The following GRM5 variants were observed in gnomAD, a reference collection of about 807,000 sequenced individuals.
GRM5 encodes metabotropic glutamate receptor 5.
GRM5 carries 19 observed loss-of-function variants against 83.1 expected under a neutral mutation model. The observed-to-expected ratio is 0.23, with a 90% CI of 0.16 to 0.34. The LOEUF (loss-of-function observed/expected upper bound fraction) is 0.34, where lower values mean the gene tolerates loss of function less well. GRM5 is among the 10% of genes least tolerant of loss of function. GRM5 has a pLI of 1.00. For missense variants in GRM5, 1,160 were observed against 1,588.3 expected (o/e 0.73, Z 4.58); for synonymous variants, 675 against 633.6 (o/e 1.07, Z -0.98).
At position 88,690,509 on chromosome 11, in the gene GRM5, T is replaced by G. The variant is rs543912807; in HGVS notation, c.912-37106A>C. Among the ~76,000 whole-genome samples, 15 of 152,316 alleles carry G rather than the reference T, an allele frequency of 9.8e-5. No homozygotes were observed. In the South Asian group the frequency reaches 2.1e-3, roughly 21 times the overall value. The stretch of plus-strand genomic sequence containing the variant: ...TTTTAAAAAAAAATGAGTTCTGAAA[T>G]GAATTAATTACAATTTATTTTTAAA... On this transcript the variant is annotated intron_variant, in intron 3 of 9. Transcript: ENST00000305447.
At chr11:88,569,830 A>G (rs545892889) in intron 7 of GRM5, among the ~76,000 whole-genome samples, 3 of 152,310 alleles carry the variant, frequency 2.0e-5, no homozygotes, top group African/African-American at 7.2e-5. Flanking sequence ...ACAAATCCTC[A>G]TTGATAAGGA....
chr11:88,831,935 T>C (rs1397886931), intron 3 of GRM5, among the ~76,000 whole-genome samples: 1 of 152,148 alleles, frequency 6.6e-6, no homozygotes, highest in Non-Finnish European at 1.5e-5. Context: ...TTGGTGCCAG[T>C]GAATGCTGTG....
intron 3 of GRM5, among the ~76,000 whole-genome samples, chr11:88,683,186 G>A (rs1940537082): frequency 6.6e-6 from 1 of 152,116 alleles, no homozygotes; most frequent in African/African-American, 2.4e-5. Context: ...GGTCTCAGGG[G>A]ATCATTGTCC....
intron 4 of GRM5, among the ~76,000 whole-genome samples, chr11:88,648,213 T>C (rs978516809): frequency 5.3e-5 from 8 of 150,572 alleles, no homozygotes; most frequent in African/African-American, 1.9e-4. Context: ...CGTATGTTTA[T>C]TGCGGCATTA....
chr11:88,988,425 G>C (rs1939819970), intron 2 of GRM5, among the ~76,000 whole-genome samples: 1 of 151,932 alleles, frequency 6.6e-6, no homozygotes, highest in Non-Finnish European at 1.5e-5. Flanking sequence ...AACCAAGTTG[G>C]AAAACACTCT....
At chr11:88,608,433 T>C (rs1938220126) in intron 4 of GRM5, among the ~76,000 whole-genome samples, 1 of 152,086 alleles carries the variant, frequency 6.6e-6, no homozygotes, top group Non-Finnish European at 1.5e-5. Context: ...ACCTAACATA[T>C]TTTATAAATT....
At chr11:89,042,284 A>G (rs1394224931) in intron 2 of GRM5, among the ~76,000 whole-genome samples, 1 of 152,200 alleles carries the variant, frequency 6.6e-6, no homozygotes, top group African/African-American at 2.4e-5. Flanking sequence ...AGTGAATAAA[A>G]CAATGCAATG....
chr11:88,518,809 G>T (rs1170451625), intron 9 of GRM5, among the ~76,000 whole-genome samples: 3 of 151,212 alleles, frequency 2.0e-5, no homozygotes, highest in East Asian at 3.9e-4. Flanking sequence ...ATTTCCTTTA[G>T]GGTGGAGATT....
intron 3 of GRM5, among the ~76,000 whole-genome samples, chr11:88,829,550 A>G (rs1231416008): frequency 1.3e-5 from 2 of 152,208 alleles, no homozygotes; most frequent in Non-Finnish European, 2.9e-5. Flanking sequence ...CTAAAATGAT[A>G]TAATAGTATA....
intron 3 of GRM5, among the ~76,000 whole-genome samples, chr11:88,827,280 A>T (rs989288886): frequency 6.6e-6 from 1 of 152,138 alleles, no homozygotes; most frequent in African/African-American, 2.4e-5. Flanking sequence ...ACTACTCCAC[A>T]TCAGCAATGT....
chr11:88,703,131 T>C (rs998313957), intron 3 of GRM5, among the ~76,000 whole-genome samples: 6 of 152,042 alleles, frequency 3.9e-5, no homozygotes, highest in Admixed American at 3.9e-4. Context: ...GTATATAAAC[T>C]CTAAAGCATT....
At chr11:89,010,969 G>C (rs1940679514) in intron 2 of GRM5, among the ~76,000 whole-genome samples, 1 of 152,202 alleles carries the variant, frequency 6.6e-6, no homozygotes, top group South Asian at 2.1e-4. Flanking sequence ...CTTTCCAAAA[G>C]AGTAATAAGA....
intron 2 of GRM5, among the ~76,000 whole-genome samples, chr11:88,920,129 T>C (rs989873398): frequency 8.6e-5 from 13 of 151,664 alleles, no homozygotes; most frequent in African/African-American, 1.2e-4. Context: ...TCTGAAAGGA[T>C]AAAAAAATCA....
At chr11:88,996,655 T>G (rs1565327457) in intron 2 of GRM5, among the ~76,000 whole-genome samples, 1 of 152,196 alleles carries the variant, frequency 6.6e-6, no homozygotes. Context: ...CAAACATATC[T>G]AGTAAAACAT....
chr11:89,064,543 T>G (rs1942057994), intron 1 of GRM5, among the ~76,000 whole-genome samples: 1 of 152,126 alleles, frequency 6.6e-6, no homozygotes, highest in Non-Finnish European at 1.5e-5. Flanking sequence ...TTATCCATAT[T>G]TTATGAGTGT....
At chr11:88,714,028 T>G (rs10831305) in intron 3 of GRM5, among the ~76,000 whole-genome samples, 1 of 151,868 alleles carries the variant, frequency 6.6e-6, no homozygotes, top group African/African-American at 2.4e-5. Flanking sequence ...AGAATCTTTT[T>G]GAGTTCAAAT....
intron 2 of GRM5, among the ~76,000 whole-genome samples, chr11:88,905,594 G>C (rs1262121196): frequency 6.6e-6 from 1 of 151,998 alleles, no homozygotes; most frequent in Non-Finnish European, 1.5e-5. Context: ...TGTCTGCCTC[G>C]GCCTCCCAAA....
chr11:88,861,708 C>G (rs1317943744), intron 2 of GRM5, among the ~76,000 whole-genome samples: 2 of 152,014 alleles, frequency 1.3e-5, no homozygotes, highest in Non-Finnish European at 2.9e-5. Context: ...CTCAAGCAAT[C>G]CCAGGAGGCT....
At chr11:88,906,387 A>G (rs1410026037) in intron 2 of GRM5, among the ~76,000 whole-genome samples, 1 of 152,104 alleles carries the variant, frequency 6.6e-6, no homozygotes, top group Non-Finnish European at 1.5e-5. Flanking sequence ...CATAAATCTG[A>G]GAGTTATTTT....
Sources: allele counts gnomAD v4.1 joint callset (sites outside exome capture counted in the v4.1 genomes callset), GRCh38; gene constraint gnomAD v4.1.1; transcripts MANE v1.5; gene names NCBI Gene and HGNC (gene_info 2026-07-23, HGNC 2026-07-21).